The following SDK1 variants were observed in gnomAD, a reference collection of about 807,000 sequenced individuals.
SDK1 encodes protein sidekick-1.
SDK1 carries 157 observed loss-of-function variants against 245.5 expected under a neutral mutation model. That is an observed-to-expected ratio of 0.64 (90% CI 0.56 to 0.73). The LOEUF is 0.73. Among genes scored for constraint, SDK1 ranks in the 30% least tolerant of loss-of-function variants. The pLI, the probability that SDK1 is intolerant of heterozygous loss-of-function variation, is 0.00. For synonymous variants in SDK1, 1,647 were observed against 1,278.5 expected (o/e 1.29, Z -6.15); for missense variants, 3,583 against 3,002.3 (o/e 1.19, Z -4.52).
chr7:4,186,015 TC>T, intron 35 of SDK1, among the ~76,000 whole-genome samples: 1 of 152,094 alleles, frequency 6.6e-6, no homozygotes, highest in Non-Finnish European at 1.5e-5. Context: ...AAGCAAGGCT[TC>T]CTGTCCAGAG....
At chr7:3,880,324 G>T (rs992300266) in intron 5 of SDK1, among the ~76,000 whole-genome samples, 1 of 152,162 alleles carries the variant, frequency 6.6e-6, no homozygotes, top group Non-Finnish European at 1.5e-5. Context: ...AGAAATTCAG[G>T]AATGAGCTGC....
chr7:3,755,776 T>G (rs533058317), intron 4 of SDK1, among the ~76,000 whole-genome samples: 70 of 152,312 alleles, frequency 4.6e-4, no homozygotes, highest in African/African-American at 1.6e-3. Flanking sequence ...ATGGAGCTTT[T>G]TGAACCTGAG....
At chr7:4,219,961 A>C in intron 38 of SDK1, 148 bp from the exon 39 acceptor site, 1 of 885,966 alleles carries the variant, frequency 1.1e-6, no homozygotes, top group Non-Finnish European at 1.6e-6. Context: ...AAAATTGGCT[A>C]TTACCACCAT....
At chr7:3,930,934 A>G (rs1187549739) in intron 5 of SDK1, among the ~76,000 whole-genome samples, 1 of 152,250 alleles carries the variant, frequency 6.6e-6, no homozygotes, top group African/African-American at 2.4e-5. Flanking sequence ...ATCTATAGCC[A>G]TTTCTTAGAA....
At chr7:3,490,094 G>T (rs959827390) in intron 1 of SDK1, among the ~76,000 whole-genome samples, 1 of 152,106 alleles carries the variant, frequency 6.6e-6, no homozygotes, top group Non-Finnish European at 1.5e-5. Flanking sequence ...ATATTTAGGC[G>T]TAGGTACCAA....
intron 22 of SDK1, among the ~76,000 whole-genome samples, chr7:4,086,332 A>G (rs1781426186): frequency 6.6e-6 from 1 of 152,360 alleles, no homozygotes; most frequent in African/African-American, 2.4e-5. Context: ...AGTGGCTGAT[A>G]CAACATACAT....
At chr7:3,650,638 A>G (rs986427957) in intron 4 of SDK1, among the ~76,000 whole-genome samples, 1 of 152,206 alleles carries the variant, frequency 6.6e-6, no homozygotes, top group African/African-American at 2.4e-5. Flanking sequence ...ATACATCAAC[A>G]AACAGAAGGT....
At chr7:3,732,290 G>C (rs1269926589) in intron 4 of SDK1, among the ~76,000 whole-genome samples, 2 of 152,138 alleles carry the variant, frequency 1.3e-5, no homozygotes, top group Admixed American at 1.3e-4. Flanking sequence ...GAATGCTGGG[G>C]TATTTATAGG....
At chr7:4,073,234 C>T (rs566374940) in intron 20 of SDK1, among the ~76,000 whole-genome samples, 10 of 152,238 alleles carry the variant, frequency 6.6e-5, no homozygotes, top group East Asian at 3.9e-4. Context: ...GAGCCCTCCA[C>T]GCACCTCCCC....
chr7:3,911,228 G>T (rs927186753), intron 5 of SDK1, among the ~76,000 whole-genome samples: 1 of 152,178 alleles, frequency 6.6e-6, no homozygotes, highest in Non-Finnish European at 1.5e-5. Flanking sequence ...CTGTGAAATG[G>T]CTGAATTTAA....
At chr7:4,035,910 A>C (rs190589559) in intron 17 of SDK1, among the ~76,000 whole-genome samples, 1 of 152,204 alleles carries the variant, frequency 6.6e-6, no homozygotes, top group Non-Finnish European at 1.5e-5. Context: ...AATAATAATA[A>C]TAACTGCAAT....
At chr7:4,251,319 A>G (rs1432726717) in intron 44 of SDK1, among the ~76,000 whole-genome samples, 1 of 152,244 alleles carries the variant, frequency 6.6e-6, no homozygotes, top group Non-Finnish European at 1.5e-5. Context: ...ACAGCAAAAG[A>G]ATACAGAGCA....
chr7:3,407,883 C>G (rs1233863045), intron 1 of SDK1, among the ~76,000 whole-genome samples: 1 of 152,072 alleles, frequency 6.6e-6, no homozygotes, highest in Non-Finnish European at 1.5e-5. Context: ...GGCATCCTAC[C>G]AGGCTCTGGA....
chr7:4,049,391 C>T lies in SDK1; in HGVS notation c.2646C>T (p.Asn882=), dbSNP rs1789270611. 1 of 1,614,048 alleles carries T rather than the reference C, an allele frequency of 6.2e-7. No homozygotes were observed. The highest frequency in any genetic ancestry group is 1.3e-5 in the African/African-American group (1 of 74,934). The change falls in exon 18 of 45, where the codon AAC becomes AAT. Residue 882 remains asparagine, a synonymous_variant. Transcript: ENST00000404826. ...PPQNVQTEAV[N]STTIQFLWNP... ...AGAACGTGCAGACGGAAGCCGTGAACTCCACCACCATTCAGTTCCTGTGGA... is the reference window on the plus strand; with the variant it reads ...AGAACGTGCAGACGGAAGCCGTGAATTCCACCACCATTCAGTTCCTGTGGA...
At chr7:3,524,375 G>C (rs189913328) in intron 1 of SDK1, among the ~76,000 whole-genome samples, 5 of 152,162 alleles carry the variant, frequency 3.3e-5, no homozygotes, top group African/African-American at 1.2e-4. Flanking sequence ...TGGAAGCGGG[G>C]AGATCAATTA....
chr7:3,614,868 C>G (rs977747846), intron 1 of SDK1, among the ~76,000 whole-genome samples: 1 of 151,808 alleles, frequency 6.6e-6, no homozygotes, highest in African/African-American at 2.4e-5. Flanking sequence ...CCATTTGGAT[C>G]TCGAGATATT....
chr7:3,833,403 G>T (rs975848794), intron 5 of SDK1, among the ~76,000 whole-genome samples: 3 of 152,144 alleles, frequency 2.0e-5, no homozygotes, highest in Admixed American at 6.5e-5. Context: ...TATTAATTCA[G>T]ACAGGGTTGA....
chr7:3,952,068 C>A (rs1405902045), intron 7 of SDK1, 148 bp downstream of exon 7: 8 of 684,918 alleles, frequency 1.2e-5, no homozygotes, highest in Middle Eastern at 4.1e-4. Flanking sequence ...CGAAATCCTT[C>A]CTAGCCTTCT....
At chr7:3,412,621 G>A (rs891450430) in intron 1 of SDK1, among the ~76,000 whole-genome samples, 14 of 152,228 alleles carry the variant, frequency 9.2e-5, no homozygotes, top group African/African-American at 3.4e-4. Context: ...AAGTAAAGCT[G>A]TAGGATAAAT....
Sources: gnomAD v4.1 joint callset for allele counts (sites outside exome capture counted in the v4.1 genomes callset) on GRCh38, gnomAD v4.1.1 for gene constraint, MANE v1.5 for transcripts, NCBI Gene and HGNC (gene_info 2026-07-23, HGNC 2026-07-21) for gene names.